TTC28: variants seen among roughly 807,000 people sequenced by gnomAD.
TTC28 encodes tetratricopeptide repeat domain 28, also known as tetratricopeptide repeat protein 28.
In TTC28, 61 loss-of-function variants were observed where a neutral mutation model predicts 198.0. The observed-to-expected ratio is 0.31, with a 90% CI of 0.25 to 0.38. The LOEUF is 0.38. TTC28 is among the 10% of genes least tolerant of loss of function. The probability of loss-of-function intolerance (pLI) is 1.00; values close to 1 mark genes in which losing one functional copy is unlikely to be tolerated. For synonymous variants in TTC28, 1,171 were observed against 1,297.8 expected (o/e 0.90, Z 2.10); for missense variants, 2,678 against 3,164.0 (o/e 0.85, Z 3.69).
intron 1 of TTC28, among the ~76,000 whole-genome samples, chr22:28,653,161 T>C (rs1418343799): frequency 2.0e-5 from 3 of 152,136 alleles, no homozygotes; most frequent in Non-Finnish European, 4.4e-5. Flanking sequence ...AAGCCTGCCA[T>C]AAATTCCCTC....
At position 28,096,212 on chromosome 22, in the gene TTC28, G is replaced by T; in HGVS notation, c.3744C>A (p.Ser1248Arg). ...TACCTGCCCCAGGAGCCAGCAGCCA[G>T]CTATACAGATAGCCTGCAGCCAGGG... ...YYSLAAGYLY[S>R]WLLAPGAGIV... Residue 1248 changes from serine (S) to arginine (R), a missense_variant, in exon 11 of 23, where the codon AGC becomes AGA. Ser to Arg is a moderately radical substitution (Grantham distance 110, BLOSUM62 -1). This residue lies in a region of TTC28 where 727 missense variants were observed against 861.9 expected (regional missense o/e 0.84). Transcript: ENST00000397906. 6.5e-7 allele frequency: 1 copy of T among 1,549,984 alleles called. No homozygotes were observed. Among genetic ancestry groups the T allele is most frequent in the Non-Finnish European group, 8.7e-7 (1 of 1,145,864 alleles).
chr22:28,590,601 AAAC>A (rs973731374), intron 2 of TTC28, among the ~76,000 whole-genome samples: 1 of 152,168 alleles, frequency 6.6e-6, no homozygotes, highest in African/African-American at 2.4e-5. Context: ...AAAACAAAAC[AAAC>A]AAATGTAATA....
chr22:28,384,546 T>C (rs1483465200), intron 2 of TTC28, among the ~76,000 whole-genome samples: 1 of 152,226 alleles, frequency 6.6e-6, no homozygotes, highest in African/African-American at 2.4e-5. Context: ...CAAGTCCCTA[T>C]TGCCTAAAGC....
chr22:28,483,911 T>C (rs550685281), intron 2 of TTC28, among the ~76,000 whole-genome samples: 1 of 152,336 alleles, frequency 6.6e-6, no homozygotes, highest in South Asian at 2.1e-4. Context: ...TGGCTTTACA[T>C]ACAAAAGTAA....
chr22:28,595,411 A>G (rs956936105), intron 2 of TTC28, among the ~76,000 whole-genome samples: 1 of 152,190 alleles, frequency 6.6e-6, no homozygotes, highest in Non-Finnish European at 1.5e-5. Flanking sequence ...CCCTTGACCT[A>G]CTTCTAGGAG....
intron 12 of TTC28, among the ~76,000 whole-genome samples, chr22:28,087,538 A>G (rs1941652816): frequency 6.6e-6 from 1 of 152,296 alleles, no homozygotes; most frequent in South Asian, 2.1e-4. Flanking sequence ...ATTTATGACA[A>G]ACCCACAGCC....
intron 5 of TTC28, among the ~76,000 whole-genome samples, chr22:28,282,379 C>T (rs867501372): frequency 3.3e-5 from 5 of 152,190 alleles, no homozygotes; most frequent in South Asian, 2.1e-4. Flanking sequence ...ATTAAAGAGT[C>T]AATGTACAAA....
In TTC28 at chr22:28,525,412, C is replaced by G. The variant is rs559881572; in HGVS notation, c.381+104140G>C. On this transcript the variant is annotated intron_variant, in intron 2 of 22. Coordinates refer to ENST00000397906, the MANE Select transcript of TTC28 (RefSeq NM_001145418.2). ...CAAATGGATCCCTCTGCCTCCGCTT[C>G]TCAAAGTGCTGGGATTACAGGTGTG... Among the ~76,000 whole-genome samples the G allele has an allele frequency of 2.6e-5, 4 of 152,296 alleles. No homozygotes were observed. The South Asian group carries it at 8.3e-4, about 32-fold the overall frequency.
intron 2 of TTC28, among the ~76,000 whole-genome samples, chr22:28,597,433 C>T (rs2050559866): frequency 6.6e-6 from 1 of 152,110 alleles, no homozygotes; most frequent in Non-Finnish European, 1.5e-5. Context: ...AACACCCAGG[C>T]CCCTTCAAAA....
At chr22:28,372,944 G>A (rs1046065358) in intron 2 of TTC28, among the ~76,000 whole-genome samples, 2 of 152,166 alleles carry the variant, frequency 1.3e-5, no homozygotes, top group Admixed American at 1.3e-4. Flanking sequence ...GTTTCTAGCT[G>A]AAGCTTGCAT....
chr22:28,535,068 T>A (rs921836424), intron 2 of TTC28, among the ~76,000 whole-genome samples: 2 of 151,428 alleles, frequency 1.3e-5, no homozygotes, highest in Non-Finnish European at 2.9e-5. Context: ...ATAATAATAA[T>A]AAAAAAAAGA....
At chr22:28,046,069 A>G (rs533710445) in intron 12 of TTC28, among the ~76,000 whole-genome samples, 1 of 152,244 alleles carries the variant, frequency 6.6e-6, no homozygotes, top group East Asian at 1.9e-4. Flanking sequence ...TATACAAATG[A>G]AAGTTGTTAT....
At chr22:28,151,957 C>T (rs1943618696) in intron 6 of TTC28, among the ~76,000 whole-genome samples, 1 of 152,080 alleles carries the variant, frequency 6.6e-6, no homozygotes, top group Non-Finnish European at 1.5e-5. Context: ...CTATGCCTCT[C>T]AAGTAGAAGA....
chr22:28,098,762 T>A (rs1984117572), intron 10 of TTC28, among the ~76,000 whole-genome samples, 153 bp downstream of exon 10: 1 of 152,194 alleles, frequency 6.6e-6, no homozygotes. Context: ...AATGAATGAA[T>A]GTTCATTGAC....
chr22:28,138,750 C>A (rs1376877490), intron 6 of TTC28, among the ~76,000 whole-genome samples: 2 of 152,196 alleles, frequency 1.3e-5, no homozygotes, highest in African/African-American at 4.8e-5. Context: ...AGCCAGAGTC[C>A]TTTATCCCTA....
intron 5 of TTC28, among the ~76,000 whole-genome samples, chr22:28,219,451 T>C (rs913530198): frequency 1.7e-4 from 25 of 150,696 alleles, no homozygotes; most frequent in African/African-American, 6.1e-4. Context: ...GGGGTTGCAG[T>C]GAGCCAAGAT....
chr22:28,014,488 C>A (rs931665936), intron 13 of TTC28, 96 bp from the exon 14 acceptor site: 3 of 1,393,976 alleles, frequency 2.2e-6, no homozygotes, highest in Non-Finnish European at 2.8e-6. Flanking sequence ...GGAAGGCAGG[C>A]TGAGGCTTCA....
intron 12 of TTC28, among the ~76,000 whole-genome samples, chr22:28,037,841 T>G (rs1601545833): frequency 1.3e-5 from 2 of 152,148 alleles, no homozygotes; most frequent in Non-Finnish European, 2.9e-5. Flanking sequence ...AAAATCAATG[T>G]GTAAAAATCA....
intron 2 of TTC28, among the ~76,000 whole-genome samples, chr22:28,366,531 TAGTGTTAC>T (rs1432194825): frequency 1.3e-5 from 2 of 152,094 alleles, no homozygotes; most frequent in African/African-American, 4.8e-5. Flanking sequence ...GGTCTGTCTA[TAGTGTTAC>T]AGTGGTGACG....
Sources: allele counts gnomAD v4.1 joint callset (sites outside exome capture counted in the v4.1 genomes callset), GRCh38; gene constraint gnomAD v4.1.1; regional missense constraint gnomAD v4.1.1; transcripts MANE v1.5; gene names NCBI Gene and HGNC (gene_info 2026-07-23, HGNC 2026-07-21).